Variants in ODC1 observed in about 807,000 individuals in gnomAD.
ODC1 encodes the protein ornithine decarboxylase 1.
ODC1 carries 18 observed loss-of-function variants against 41.5 expected under a neutral mutation model. The observed-to-expected ratio is 0.43, with a 90% CI of 0.30 to 0.64. The LOEUF is 0.64. ODC1 is among the 30% of genes least tolerant of loss of function. ODC1 has a pLI of 0.11. For synonymous variants in ODC1, 218 were observed against 211.6 expected (o/e 1.03, Z -0.26); for missense variants, 504 against 589.0 (o/e 0.86, Z 1.49).
intron 4 of ODC1, 88 bp downstream of exon 4, chr2:10,444,386 T>C: frequency 1.3e-6 from 2 of 1,514,980 alleles, no homozygotes; most frequent in Non-Finnish European, 1.8e-6. Context: ...GAGCATTTAT[T>C]GCCCAAAAAA....
chr2:10,443,739 G>A lies in ODC1; in HGVS notation c.547C>T (p.Arg183Trp), dbSNP rs115102834. ...ACATCGATATTTAGCTCTTTCGCCC[G>A]TTCCAAAAGGAGCCTGCTGGTTCTG... ...TLRTSRLLLE[R>W]AKELNIDVVG... Residue 183 changes from arginine to tryptophan, a missense_variant, in exon 6 of 12, where the codon CGG becomes TGG. Around this residue, in one of 3 missense-constraint regions of ODC1, gnomAD observed 447 missense variants for 524.4 expected, o/e 0.85. Coordinates refer to ENST00000234111, the MANE Select transcript of ODC1 (RefSeq NM_002539.3). 2.8e-4 allele frequency: 453 copies of A among 1,614,136 alleles called. No individual in the cohort carries two copies. The highest frequency in any genetic ancestry group is 3.6e-4 in the Non-Finnish European group (428 of 1,180,028).
chr2:10,444,336 G>A, intron 4 of ODC1, 69 bp from the exon 5 acceptor site: 2 of 1,520,624 alleles, frequency 1.3e-6, no homozygotes, highest in Non-Finnish European at 1.8e-6. Flanking sequence ...GAAAAGCATG[G>A]GAAGTTGTCA....
intron 1 of ODC1, among the ~76,000 whole-genome samples, chr2:10,445,717 CCT>C (rs1489409055): frequency 6.6e-6 from 1 of 152,120 alleles, no homozygotes; most frequent in African/African-American, 2.4e-5. Flanking sequence ...CTCACTGCAA[CCT>C]CTGCCTCCCG....
At position 10,444,550 on chromosome 2, in the gene ODC1, G is replaced by A. The variant is rs1334285328; in HGVS notation, c.200C>T (p.Ala67Val). The change falls in exon 4 of 12, where the codon GCA (alanine) becomes GTA (valine). Residue 67 changes from alanine to valine, a missense_variant. By Grantham distance (64) the Ala-to-Val change is moderately conservative (BLOSUM62 0). Around this residue, in one of 3 missense-constraint regions of ODC1, gnomAD observed 447 missense variants for 524.4 expected, o/e 0.85. Transcript: ENST00000234111. ...GGCTTTGCTATCATTACATTTGACT[G>A]CATAAAAGGGGGTGACACGAGGGAG... ...KALPRVTPFY[A>V]VKCNDSKAIV... 1.9e-6 allele frequency: 3 copies of A among 1,614,010 alleles called. No individual in the cohort carries two copies. Among genetic ancestry groups the A allele is most frequent in the East Asian group, 2.2e-5 (1 of 44,884 alleles).
In ODC1 at chr2:10,440,694, A is replaced by C. The variant is rs756502017; in HGVS notation, c.*30T>G. The C allele has an allele frequency of 1.2e-6, 2 of 1,602,834 alleles. No individual in the cohort carries two copies. The highest frequency in any genetic ancestry group is 1.1e-5 in the South Asian group (1 of 89,598). ...CCCCAAATCCCTTAATTCAAGCTAAACTTGCAGTTAACAGCTACCAGAGTG... is the reference window on the plus strand; with the variant it reads ...CCCCAAATCCCTTAATTCAAGCTAACCTTGCAGTTAACAGCTACCAGAGTG... On this transcript the variant is annotated 3_prime_UTR_variant, in exon 12 of 12. Coordinates refer to ENST00000234111, the MANE Select transcript of ODC1 (RefSeq NM_002539.3).
At chr2:10,441,441 G>A (rs1017992643) in intron 11 of ODC1, 68 bp downstream of exon 11, 2 of 1,482,768 alleles carry the variant, frequency 1.3e-6, no homozygotes, top group Admixed American at 3.9e-5. Context: ...TATTCGTCTA[G>A]ACAAGAAGCA....
At position 10,441,844 on chromosome 2, in the gene ODC1, G is replaced by A. The variant is rs530654829; in HGVS notation, c.999C>T (p.His333=). The change falls in exon 10 of 12, where the codon CAC becomes CAT. Residue 333 remains histidine (H), a synonymous_variant. Coordinates refer to ENST00000234111, the MANE Select transcript of ODC1 (RefSeq NM_002539.3). The part of the protein sequence containing the change: ...YGSFNCILYD[H]AHVKPLLQKR... ...TTTGCAGAAGGGGCTTTACATGTGC[G>A]TGGTCATAGAGTATGCAATTAAATG... The A allele has an allele frequency of 9.9e-6, 16 of 1,614,074 alleles. No individual in the cohort carries two copies. The highest frequency in any genetic ancestry group is 8.9e-5 in the East Asian group (4 of 44,884).
chr2:10,444,991 G>C lies in ODC1; in HGVS notation c.42C>G (p.Leu14=). 1.2e-6 allele frequency: 2 copies of C among 1,613,868 alleles called. No homozygotes were observed. The highest frequency in any genetic ancestry group is 1.7e-6 in the Non-Finnish European group (2 of 1,179,810). The part of the protein sequence containing the change: ...FGNEEFDCHF[L]DEGFTAKDIL... Reference sequence around the variant, plus strand: ...TGTCCTTGGCAGTAAAACCTTCATCGAGGAAGTGGCAGTCAAACTCTTCAT... The same window carrying C: ...TGTCCTTGGCAGTAAAACCTTCATCCAGGAAGTGGCAGTCAAACTCTTCAT... The change falls in exon 3 of 12, where the codon CTC becomes CTG. Residue 14 remains leucine (L), a synonymous_variant. Transcript: ENST00000234111.
chr2:10,448,286 GGGCGGCGGGCGGC>G lies in ODC1; in HGVS notation c.-306_-294del, dbSNP rs1558554091. ...GGTGGCGCCGGAGCTGCTGGCAGAG[GGGCGGCGGGCGGC>G]GGCGGCGGCGGCTACAGGAGGGACT... On this transcript the variant is annotated 5_prime_UTR_variant, in exon 1 of 12. Transcript: ENST00000234111. 2.1e-5 allele frequency: 5 copies of G among 243,668 alleles called. No homozygotes were observed. The East Asian group carries it at 3.0e-4, about 14-fold the overall frequency. The allele number at this position is 243,668 out of a possible 1,614,324, so 15.1% of individuals were successfully genotyped here. A position where few individuals can be genotyped will look rare whatever the true frequency, so the allele number is the denominator to read the frequency against.
chr2:10,442,439 CAACT>C (rs749602621), intron 8 of ODC1, among the ~76,000 whole-genome samples: 4 of 152,296 alleles, frequency 2.6e-5, no homozygotes, highest in Middle Eastern at 3.4e-3. Context: ...GAACAGTACG[CAACT>C]AACTACTACC....
At chr2:10,442,828 A>G (rs1456993622) in intron 8 of ODC1, among the ~76,000 whole-genome samples, 1 of 151,672 alleles carries the variant, frequency 6.6e-6, no homozygotes, top group East Asian at 1.9e-4. Flanking sequence ...CTCCCACCTC[A>G]GCCTTCCAAG....
At position 10,444,980 on chromosome 2, in the gene ODC1, A is replaced by G; in HGVS notation, c.53T>C (p.Phe18Ser). The change falls in exon 3 of 12, where the codon TTT (phenylalanine) becomes TCT (serine). Residue 18 changes from phenylalanine (F) to serine (S), a missense_variant. Phe to Ser is a radical substitution (Grantham distance 155). Around this residue, in one of 3 missense-constraint regions of ODC1, gnomAD observed 53 missense variants for 46.3 expected, o/e 1.14. Coordinates refer to ENST00000234111, the MANE Select transcript of ODC1 (RefSeq NM_002539.3). ...CTGGTCCAGAATGTCCTTGGCAGTA[A>G]AACCTTCATCGAGGAAGTGGCAGTC... is the stretch of plus-strand genomic sequence containing the variant. ...EFDCHFLDEG[F>S]TAKDILDQKI... is the part of the protein sequence containing the mutation. 6.2e-7 allele frequency: 1 copy of G among 1,613,992 alleles called. No homozygotes were observed. Among genetic ancestry groups the G allele is most frequent in the Non-Finnish European group, 8.5e-7 (1 of 1,179,848 alleles).
intron 8 of ODC1, among the ~76,000 whole-genome samples, chr2:10,442,665 G>A (rs918889358): frequency 2.6e-5 from 4 of 152,046 alleles, no homozygotes; most frequent in African/African-American, 9.7e-5. Flanking sequence ...TTGGGGTGAT[G>A]ATGTGCTACA....
intron 10 of ODC1, 45 bp from the exon 11 acceptor site, chr2:10,441,768 G>T: frequency 6.2e-7 from 1 of 1,611,230 alleles, no homozygotes. Flanking sequence ...AATTACACGT[G>T]TTGTGACCAG....
Position 10,444,087 on chromosome 2 carries a change from T to C in ODC1, c.449+8A>G. On this transcript the variant is annotated splice_region_variant and intron_variant, in intron 5 of 11. Transcript: ENST00000234111. ...CCGATCTTGCCCTCAGATGGGGGAA[T>C]AACTCACTTTGCTTTGGGATGTGCT... 1 of 1,579,488 alleles carries C rather than the reference T, an allele frequency of 6.3e-7. No homozygotes were observed. The highest frequency in any genetic ancestry group is 8.6e-7 in the Non-Finnish European group (1 of 1,163,584).
chr2:10,442,151 C>T lies in ODC1; in HGVS notation c.774G>A (p.Ala258=), dbSNP rs114981547. 4.5e-5 allele frequency: 73 copies of T among 1,608,730 alleles called. No homozygotes were observed. Among genetic ancestry groups the T allele is most frequent in the East Asian group, 2.9e-4 (13 of 44,862 alleles). Residue 258 remains alanine, a synonymous_variant, in exon 9 of 12, where the codon GCG becomes GCA. Transcript: ENST00000234111. ...FEEITGVINP[A]LDKYFPSDSG... is the part of the protein sequence containing the mutation. ...AGTCTGACGGAAAGTATTTGTCCAA[C>T]GCTGGGTTGATTACGCCGGTGATCT...
In ODC1 at chr2:10,443,782, C is replaced by T; in HGVS notation, c.504G>A (p.Val168=). Residue 168 remains valine (V), a synonymous_variant, in exon 6 of 12, where the codon GTG becomes GTA. Coordinates refer to ENST00000234111, the MANE Select transcript of ODC1 (RefSeq NM_002539.3). The part of the protein sequence containing the change: ...DDSKAVCRLS[V]KFGATLRTSR... ...TGGTTCTGAGCGTGGCACCGAATTT[C>T]ACACTGAGACGACAGACTGCTTTGG... is the stretch of plus-strand genomic sequence containing the variant. 6.2e-7 allele frequency: 1 copy of T among 1,614,226 alleles called. No individual in the cohort carries two copies. Among genetic ancestry groups the T allele is most frequent in the Non-Finnish European group, 8.5e-7 (1 of 1,180,044 alleles).
chr2:10,441,416 G>C lies in ODC1; in HGVS notation c.1241+93C>G, dbSNP rs28362413. 6.2e-4 allele frequency: 804 copies of C among 1,303,720 alleles called. 4 individuals carry two copies. In the African/African-American group the frequency reaches 0.011, roughly 18 times the overall value. The allele number at this position is 1,303,720 out of a possible 1,614,324, so 80.8% of individuals were successfully genotyped here. A position where few individuals can be genotyped will look rare whatever the true frequency, so the allele number is the denominator to read the frequency against. ...AAATATCCATATATATTTAATCTTA[G>C]GCAAGACAATTTCTTATTCGTCTAG... On this transcript the variant is annotated intron_variant, in intron 11 of 11. Transcript: ENST00000234111.
chr2:10,447,043 T>A (rs7558559), intron 1 of ODC1, among the ~76,000 whole-genome samples: 24,165 of 152,252 alleles, frequency 0.16, 2,506 homozygotes, highest in African/African-American at 0.28. Flanking sequence ...TCATGCAGTC[T>A]CGGACTGGGT....
Sources: gnomAD v4.1 joint callset for allele counts (sites outside exome capture counted in the v4.1 genomes callset) on GRCh38, gnomAD v4.1.1 for gene constraint, gnomAD v4.1.1 regional missense constraint, MANE v1.5 for transcripts, NCBI Gene and HGNC (gene_info 2026-07-23, HGNC 2026-07-21) for gene names.